The following RBPJ variants were observed in gnomAD, a reference collection of about 807,000 sequenced individuals.
The protein encoded by RBPJ is recombining binding protein suppressor of hairless.
In RBPJ, 9 loss-of-function variants were observed where a neutral mutation model predicts 67.8. That is an observed-to-expected ratio of 0.13 (90% CI 0.08 to 0.23). The LOEUF is 0.23. Among genes scored for constraint, RBPJ ranks in the 10% least tolerant of loss-of-function variants. RBPJ has a pLI of 1.00. For synonymous variants in RBPJ, 198 were observed against 203.3 expected (o/e 0.97, Z 0.22); for missense variants, 305 against 595.6 (o/e 0.51, Z 5.08).
At position 26,306,052 on chromosome 4, in the gene RBPJ, T is replaced by C. The variant is rs145059400; in HGVS notation, c.-166-56394T>C. Among the ~76,000 whole-genome samples the C allele has an allele frequency of 3.5e-3, 528 of 152,120 alleles. 4 individuals are homozygous for C. The highest frequency in any genetic ancestry group is 0.012 in the African/African-American group (512 of 41,486). On this transcript the variant is annotated intron_variant, in intron 1 of 4. Transcript: ENST00000512351. Reference sequence around the variant, plus strand: ...CCACCCACCTAGCCTCCCAAAGTGCTGGGATTACAGATGTAAGCCACCGCA... The same window carrying C: ...CCACCCACCTAGCCTCCCAAAGTGCCGGGATTACAGATGTAAGCCACCGCA...
intron 1 of RBPJ, among the ~76,000 whole-genome samples, chr4:26,251,490 G>T (rs1720106491): frequency 1.3e-5 from 2 of 151,972 alleles, no homozygotes; most frequent in Admixed American, 1.3e-4. Context: ...ACAAAAATTA[G>T]CCAGTGTGGT....
the RBPJ span, among the ~76,000 whole-genome samples, chr4:26,139,745 C>G: frequency 7.4e-4 from 112 of 152,274 alleles, no homozygotes; most frequent in African/African-American, 2.6e-3. Flanking sequence ...GTAAGTCAGA[C>G]TGAAAGCCAA....
At chr4:26,259,338 T>C (rs1720452881) in intron 1 of RBPJ, among the ~76,000 whole-genome samples, 1 of 152,198 alleles carries the variant, frequency 6.6e-6, no homozygotes, top group South Asian at 2.1e-4. Flanking sequence ...TAAGCAGATG[T>C]TATTATTCCT....
the RBPJ span, among the ~76,000 whole-genome samples, chr4:26,139,901 G>A: frequency 6.6e-6 from 1 of 152,184 alleles, no homozygotes; most frequent in Non-Finnish European, 1.5e-5. Context: ...ATGCTCCTGT[G>A]TCCCACAGAC....
the RBPJ span, among the ~76,000 whole-genome samples, chr4:26,135,923 C>T: frequency 3.3e-5 from 5 of 152,110 alleles, no homozygotes; most frequent in Admixed American, 2.0e-4. Flanking sequence ...TAAAGACATA[C>T]CTGAGACTGT....
At chr4:26,109,831 T>G in the RBPJ span, among the ~76,000 whole-genome samples, 2 of 151,794 alleles carry the variant, frequency 1.3e-5, no homozygotes, top group African/African-American at 4.8e-5. Flanking sequence ...ACAATAATTC[T>G]TATAACCAAC....
chr4:26,120,714 C>CTTTTTTTTTTTTTTTTTTTTT, the RBPJ span, among the ~76,000 whole-genome samples: 2 of 83,014 alleles, frequency 2.4e-5, 1 homozygote. Flanking sequence ...ATTTTCTCAA[C>CTTTTTTTTTTTTTTTTTTTTT]TTTTTTTTTT....
the RBPJ span, among the ~76,000 whole-genome samples, chr4:26,128,614 A>G: frequency 6.6e-6 from 1 of 152,218 alleles, no homozygotes; most frequent in East Asian, 1.9e-4. Context: ...ATCACTATAC[A>G]GTATGATATA....
At chr4:26,191,040 G>A (rs1400333035) in intron 1 of RBPJ, among the ~76,000 whole-genome samples, 4 of 147,846 alleles carry the variant, frequency 2.7e-5, no homozygotes, top group African/African-American at 5.0e-5. Flanking sequence ...TGGTTCTAGC[G>A]ACTCAGGAGG....
intron 1 of RBPJ, among the ~76,000 whole-genome samples, chr4:26,291,572 A>G (rs1458247935): frequency 2.0e-5 from 3 of 150,216 alleles, no homozygotes; most frequent in African/African-American, 7.4e-5. Flanking sequence ...ACAAGCAGGT[A>G]TGAATGACTT....
At chr4:26,258,584 T>C (rs918825387) in intron 1 of RBPJ, among the ~76,000 whole-genome samples, 6 of 152,180 alleles carry the variant, frequency 3.9e-5, no homozygotes, top group Admixed American at 6.5e-5. Flanking sequence ...AAAAAGTTCA[T>C]AGAAAAGTGC....
chr4:26,425,370 G>A (rs1301643127), intron 7 of RBPJ, among the ~76,000 whole-genome samples: 1 of 152,094 alleles, frequency 6.6e-6, no homozygotes, highest in African/African-American at 2.4e-5. Flanking sequence ...AGAAGGAGAA[G>A]TGACTAGCCC....
At chr4:26,141,770 C>T in the RBPJ span, among the ~76,000 whole-genome samples, 1 of 152,136 alleles carries the variant, frequency 6.6e-6, no homozygotes, top group Non-Finnish European at 1.5e-5. Flanking sequence ...TGTAATTTTG[C>T]GTTCATTCAC....
intron 1 of RBPJ, among the ~76,000 whole-genome samples, chr4:26,304,295 T>TA (rs1341465984): frequency 6.6e-6 from 1 of 152,252 alleles, no homozygotes; most frequent in Non-Finnish European, 1.5e-5. Flanking sequence ...CTTCCATGAA[T>TA]AATGGTGCCA....
At chr4:26,398,229 T>C (rs1204397835) in intron 2 of RBPJ, among the ~76,000 whole-genome samples, 4 of 152,144 alleles carry the variant, frequency 2.6e-5, no homozygotes, top group African/African-American at 9.7e-5. Flanking sequence ...AGCCTGGAGG[T>C]AAAGATGACT....
chr4:26,383,473 A>T (rs1730519533), intron 1 of RBPJ, among the ~76,000 whole-genome samples: 1 of 152,058 alleles, frequency 6.6e-6, no homozygotes, highest in Non-Finnish European at 1.5e-5. Flanking sequence ...GCTTTATCTC[A>T]TTTGTTAACT....
chr4:26,228,907 G>A (rs867005809), intron 1 of RBPJ, among the ~76,000 whole-genome samples: 12 of 152,302 alleles, frequency 7.9e-5, no homozygotes, highest in Middle Eastern at 3.4e-3. Flanking sequence ...ATGGCTCCTT[G>A]TTTCGGGCCT....
chr4:26,315,928 C>A (rs1398178582), upstream of RBPJ, among the ~76,000 whole-genome samples: 1 of 151,960 alleles, frequency 6.6e-6, no homozygotes, highest in Non-Finnish European at 1.5e-5. Context: ...TTTTGCCCCA[C>A]CCCGCAGGCA....
chr4:26,288,727 C>G (rs1304409834), intron 1 of RBPJ, among the ~76,000 whole-genome samples: 1 of 152,224 alleles, frequency 6.6e-6, no homozygotes, highest in East Asian at 1.9e-4. Context: ...ACCAACATTT[C>G]TAGAGTGACT....
Sources: gnomAD v4.1 joint callset for allele counts (sites outside exome capture counted in the v4.1 genomes callset) on GRCh38, gnomAD v4.1.1 for gene constraint, MANE v1.5 for transcripts, NCBI Gene and HGNC (gene_info 2026-07-23, HGNC 2026-07-21) for gene names.